ATP8B4: variants seen among roughly 807,000 people sequenced by gnomAD.
ATP8B4 encodes probable phospholipid-transporting ATPase IM.
ATP8B4 carries 133 observed loss-of-function variants against 145.6 expected under a neutral mutation model. That is an observed-to-expected ratio of 0.91 (90% CI 0.79 to 1.05). ATP8B4 has a LOEUF of 1.05. ATP8B4 is among the 50% of genes least tolerant of loss of function. The probability of loss-of-function intolerance (pLI) is 0.00; values close to 1 mark genes in which losing one functional copy is unlikely to be tolerated. For synonymous variants in ATP8B4, 507 were observed against 492.9 expected (o/e 1.03, Z -0.38); for missense variants, 1,458 against 1,425.2 (o/e 1.02, Z -0.37).
At chr15:49,984,886 T>C (rs1289884632) in intron 10 of ATP8B4, among the ~76,000 whole-genome samples, 1 of 152,068 alleles carries the variant, frequency 6.6e-6, no homozygotes, top group Non-Finnish European at 1.5e-5. Context: ...TGAATATAAT[T>C]CCTGCCCTCA....
At chr15:50,000,551 T>G (rs2047802908) in intron 8 of ATP8B4, among the ~76,000 whole-genome samples, 2 of 152,166 alleles carry the variant, frequency 1.3e-5, no homozygotes, top group Admixed American at 1.3e-4. Context: ...GATGGTTTGT[T>G]TTTTTACTAT....
chr15:50,156,106 AAATATATATATAAATATATT>A (rs55696503), intron 1 of ATP8B4, among the ~76,000 whole-genome samples: 2,009 of 26,282 alleles, frequency 0.076, 211 homozygotes, highest in Middle Eastern at 0.15. Flanking sequence ...ATATATATAT[AAATATATATATAAATATATT>A]TATATATATA....
rs1344046655 is a variant in ATP8B4, at chr15:50,038,827, A to G, written c.303T>C (p.Phe101=). The part of the protein sequence containing the change: ...TAVKDATDDY[F]RHKSDNQVNN... ...TCACTTGATTATCACTCTTGTGGCG[A>G]AACTGAAAAATCAAAGTGTTTGTGA... The change falls in exon 6 of 28, where the codon TTT becomes TTC. Residue 101 remains phenylalanine, a splice_region_variant and synonymous_variant. Transcript: ENST00000284509. 1 of 1,613,350 alleles carries G rather than the reference A, an allele frequency of 6.2e-7. No homozygotes were observed. Among genetic ancestry groups the G allele is most frequent in the Non-Finnish European group, 8.5e-7 (1 of 1,179,404 alleles).
rs1158486289 is a variant in ATP8B4 at position 50,085,902 on chromosome 15, CAT to C, written c.29-11719_29-11718del. ...TTATATATTTATATATGATATATATCATATATATTTATATATGATATATATCA... is the reference window on the plus strand; with the variant it reads ...TTATATATTTATATATGATATATATCATATATTTATATATGATATATATCA... On this transcript the variant is annotated intron_variant, in intron 2 of 27. Transcript: ENST00000284509. 2.6e-3 allele frequency among the ~76,000 whole-genome samples: 171 copies of C among 65,192 alleles called. 2 individuals are homozygous for C. Among genetic ancestry groups the C allele is most frequent in the Middle Eastern group, 0.011 (1 of 90 alleles). 42.8% of individuals were successfully genotyped at this position (65,192 alleles called of 152,430 possible).
chr15:50,089,209 T>C (rs999833099), intron 2 of ATP8B4, among the ~76,000 whole-genome samples: 1 of 152,134 alleles, frequency 6.6e-6, no homozygotes, highest in African/African-American at 2.4e-5. Context: ...ATTCAAGACA[T>C]AGGCATGGGC....
At chr15:49,865,527 G>C (rs982087622) in intron 26 of ATP8B4, among the ~76,000 whole-genome samples, 1 of 152,202 alleles carries the variant, frequency 6.6e-6, no homozygotes, top group Non-Finnish European at 1.5e-5. Flanking sequence ...TTGGAAGTGT[G>C]GGGGCAGTCA....
chr15:50,114,103 C>CTTTTTTTTTTT (rs755159123), intron 1 of ATP8B4, among the ~76,000 whole-genome samples: 558 of 55,526 alleles, frequency 0.01, 9 homozygotes, highest in East Asian at 0.024. Flanking sequence ...CTCCTAGTTT[C>CTTTTTTTTTTT]TTTTTTTTTT....
intron 23 of ATP8B4, among the ~76,000 whole-genome samples, chr15:49,891,882 G>A (rs1308084658): frequency 6.6e-6 from 1 of 152,050 alleles, no homozygotes; most frequent in African/African-American, 2.4e-5. Context: ...TTGAGGGGTC[G>A]AGGCAGGGGG....
At chr15:50,023,034 T>C (rs1421978743) in intron 6 of ATP8B4, among the ~76,000 whole-genome samples, 1 of 152,142 alleles carries the variant, frequency 6.6e-6, no homozygotes, top group Non-Finnish European at 1.5e-5. Context: ...GCCAGAAAGT[T>C]GCCCTTTTAA....
At chr15:49,997,063 T>C (rs1306488294) in intron 8 of ATP8B4, among the ~76,000 whole-genome samples, 1 of 152,118 alleles carries the variant, frequency 6.6e-6, no homozygotes, top group Non-Finnish European at 1.5e-5. Flanking sequence ...ACATCACGCA[T>C]GAGTTACAAA....
chr15:50,114,128 T>TTTTTTTTTTTTTC (rs869306298), intron 1 of ATP8B4, among the ~76,000 whole-genome samples: 1 of 130,616 alleles, frequency 7.7e-6, no homozygotes, highest in Non-Finnish European at 1.6e-5. Flanking sequence ...TTTTTTTTTT[T>TTTTTTTTTTTTTC]AATTTTCATA....
Position 50,142,784 on chromosome 15 carries a change from C to T in ATP8B4, c.-42-35776G>A, listed in dbSNP as rs570476917. 6.4e-4 allele frequency among the ~76,000 whole-genome samples: 97 copies of T among 152,258 alleles called. 1 individual carries two copies. Among genetic ancestry groups the T allele is most frequent in the African/African-American group, 2.3e-3 (96 of 41,550 alleles). Reference sequence around the variant, plus strand: ...ATGGCATAGATCTTAACATTCAATACCCCCATGCAATCCTCCAAAGTCAGT... The same window carrying T: ...ATGGCATAGATCTTAACATTCAATATCCCCATGCAATCCTCCAAAGTCAGT... On this transcript the variant is annotated intron_variant, in intron 1 of 3. Transcript: ENST00000558829.
intron 1 of ATP8B4, among the ~76,000 whole-genome samples, chr15:50,140,744 C>T (rs1207715493): frequency 6.6e-6 from 1 of 152,198 alleles, no homozygotes; most frequent in Non-Finnish European, 1.5e-5. Context: ...GGTTCCTAAA[C>T]ATCCACCTGA....
intron 23 of ATP8B4, among the ~76,000 whole-genome samples, chr15:49,881,961 CTATGTT>C (rs1160593636): frequency 6.6e-6 from 1 of 152,186 alleles, no homozygotes; most frequent in Non-Finnish European, 1.5e-5. Context: ...TCTCCAGACT[CTATGTT>C]TATTTCCTTC....
chr15:50,056,442 T>C (rs1483491334), intron 3 of ATP8B4, among the ~76,000 whole-genome samples: 3 of 151,950 alleles, frequency 2.0e-5, no homozygotes, highest in East Asian at 1.9e-4. Flanking sequence ...CAATGAACAA[T>C]AGAGCAAGAG....
intron 1 of ATP8B4, among the ~76,000 whole-genome samples, chr15:50,109,668 A>G (rs2056848260): frequency 6.6e-6 from 1 of 151,830 alleles, no homozygotes; most frequent in Non-Finnish European, 1.5e-5. Context: ...ACACCCAAAC[A>G]GCGGCAATGA....
intron 1 of ATP8B4, among the ~76,000 whole-genome samples, chr15:50,118,515 T>A (rs1020718580): frequency 4.6e-5 from 7 of 152,212 alleles, no homozygotes; most frequent in African/African-American, 1.7e-4. Context: ...TAACAAGACT[T>A]CAGCTTCCAA....
intron 6 of ATP8B4, among the ~76,000 whole-genome samples, chr15:50,035,547 A>T (rs2050770882): frequency 6.6e-6 from 1 of 152,120 alleles, no homozygotes. Flanking sequence ...CATCTTTAAA[A>T]TTGGGGCACT....
intron 1 of ATP8B4, among the ~76,000 whole-genome samples, chr15:50,135,362 C>G (rs901200830): frequency 1.3e-5 from 2 of 152,158 alleles, no homozygotes; most frequent in Non-Finnish European, 2.9e-5. Flanking sequence ...CAATCTTTAA[C>G]CACTCCACCA....
Sources: allele counts gnomAD v4.1 joint callset (sites outside exome capture counted in the v4.1 genomes callset), GRCh38; gene constraint gnomAD v4.1.1; transcripts MANE v1.5; gene names NCBI Gene and HGNC (gene_info 2026-07-23, HGNC 2026-07-21).